C7orf78: variants seen among roughly 807,000 people sequenced by gnomAD.
C7orf78 encodes putative uncharacterized protein C7orf78.
chr7:12,520,007 C>G, the C7orf78 span, among the ~76,000 whole-genome samples: 1 of 152,192 alleles, frequency 6.6e-6, no homozygotes, highest in Non-Finnish European at 1.5e-5. Flanking sequence ...GATGAACACC[C>G]ACACTAGTCT....
the C7orf78 span, among the ~76,000 whole-genome samples, chr7:12,500,223 C>A: frequency 6.6e-6 from 1 of 151,672 alleles, no homozygotes; most frequent in Non-Finnish European, 1.5e-5. Flanking sequence ...CAAGAAATAA[C>A]TAAAATCAGG....
the C7orf78 span, among the ~76,000 whole-genome samples, chr7:12,498,334 G>A: frequency 6.6e-6 from 1 of 151,262 alleles, no homozygotes; most frequent in African/African-American, 2.4e-5. Flanking sequence ...TGAAAACTTT[G>A]AAAAAAATTT....
chr7:12,527,844 G>T, the C7orf78 span, among the ~76,000 whole-genome samples: 1 of 146,732 alleles, frequency 6.8e-6, no homozygotes, highest in African/African-American at 2.5e-5. Context: ...ACTCACTTTG[G>T]TAGAAAATGC....
the C7orf78 span, chr7:12,529,008 G>A: frequency 1.0e-5 from 4 of 398,362 alleles, no homozygotes; most frequent in African/African-American, 2.1e-5. Flanking sequence ...TAATTTTGAC[G>A]AAAGCCCCAT....
the C7orf78 span, among the ~76,000 whole-genome samples, chr7:12,508,139 T>C: frequency 6.6e-6 from 1 of 152,164 alleles, no homozygotes; most frequent in East Asian, 1.9e-4. Context: ...AGTATAAAAC[T>C]CTTGTTAATT....
the C7orf78 span, among the ~76,000 whole-genome samples, chr7:12,514,599 G>A: frequency 6.6e-6 from 1 of 151,956 alleles, no homozygotes; most frequent in Non-Finnish European, 1.5e-5. Context: ...TTTTCTGGCT[G>A]TTTTATATAT....
the C7orf78 span, chr7:12,496,623 G>A: frequency 1.3e-5 from 2 of 152,074 alleles, no homozygotes; most frequent in Admixed American, 6.5e-5. Context: ...ACCTTATCTC[G>A]TGATGTATTC....
At chr7:12,523,787 G>T in the C7orf78 span, among the ~76,000 whole-genome samples, 9 of 152,036 alleles carry the variant, frequency 5.9e-5, no homozygotes, top group Admixed American at 6.6e-5. Flanking sequence ...TAAATTTGTG[G>T]AATAAATTGG....
the C7orf78 span, among the ~76,000 whole-genome samples, chr7:12,492,651 G>C: frequency 2.0e-5 from 3 of 152,260 alleles, no homozygotes; most frequent in Non-Finnish European, 2.9e-5. Context: ...AGAATGTTGA[G>C]GAGGTTGCTG....
chr7:12,523,907 G>C, the C7orf78 span, among the ~76,000 whole-genome samples: 12 of 152,122 alleles, frequency 7.9e-5, no homozygotes, highest in African/African-American at 2.9e-4. Context: ...TAATTTAAAA[G>C]TGTGATGAAG....
chr7:12,519,588 G>A, the C7orf78 span, among the ~76,000 whole-genome samples: 1 of 152,212 alleles, frequency 6.6e-6, no homozygotes, highest in African/African-American at 2.4e-5. Flanking sequence ...AGTACAATAT[G>A]TGACACAGTT....
the C7orf78 span, among the ~76,000 whole-genome samples, chr7:12,524,486 T>C: frequency 6.6e-6 from 1 of 152,122 alleles, no homozygotes; most frequent in Non-Finnish European, 1.5e-5. Flanking sequence ...TCATAGTAAA[T>C]AACATATGTT....
chr7:12,497,459 G>T, the C7orf78 span, among the ~76,000 whole-genome samples: 2 of 98,530 alleles, frequency 2.0e-5, no homozygotes, highest in African/African-American at 7.5e-5. Context: ...AAAGAAAGGG[G>T]TGACGGACGG....
chr7:12,511,960 A>G, the C7orf78 span, among the ~76,000 whole-genome samples: 1 of 110,684 alleles, frequency 9.0e-6, no homozygotes, highest in African/African-American at 3.6e-5. Context: ...TATTTTCAGT[A>G]GAGACGGGGT....
the C7orf78 span, among the ~76,000 whole-genome samples, chr7:12,517,648 T>C: frequency 2.0e-5 from 3 of 152,202 alleles, no homozygotes; most frequent in Non-Finnish European, 4.4e-5. Flanking sequence ...TGAGATTCTT[T>C]CTTCTGCTTA....
chr7:12,537,721 A>T, the C7orf78 span, among the ~76,000 whole-genome samples: 2 of 152,196 alleles, frequency 1.3e-5, no homozygotes, highest in Admixed American at 1.3e-4. Flanking sequence ...TTTACATTAG[A>T]GACAAGTCCA....
the C7orf78 span, chr7:12,504,368 A>T: frequency 6.6e-6 from 1 of 152,144 alleles, no homozygotes; most frequent in Non-Finnish European, 1.5e-5. Context: ...CTCTGACTTG[A>T]GTCTGGTAGA....
chr7:12,513,728 C>T, the C7orf78 span, among the ~76,000 whole-genome samples: 15 of 151,660 alleles, frequency 9.9e-5, no homozygotes, highest in African/African-American at 2.2e-4. Context: ...GGGCCGGGCG[C>T]GGTGGCTCAT....
the C7orf78 span, among the ~76,000 whole-genome samples, chr7:12,512,018 A>G: frequency 0.69 from 101,234 of 147,166 alleles, 35,392 homozygotes; most frequent in African/African-American, 0.82. Flanking sequence ...TTCATGATCC[A>G]CCCTCCTTGG....
Sources: gnomAD v4.1 joint callset for allele counts (sites outside exome capture counted in the v4.1 genomes callset) on GRCh38, gnomAD v4.1.1 for gene constraint, MANE v1.5 for transcripts, NCBI Gene and HGNC (gene_info 2026-07-23, HGNC 2026-07-21) for gene names.